The following TPO variants were observed in gnomAD, a reference collection of about 807,000 sequenced individuals.
TPO encodes the protein thyroid peroxidase.
TPO carries 78 observed loss-of-function variants against 96.9 expected under a neutral mutation model. The ratio of observed to expected loss-of-function variants is 0.81; its 90% confidence interval spans 0.67 to 0.97. TPO has a LOEUF of 0.97. Among genes scored for constraint, TPO ranks in the 50% least tolerant of loss-of-function variants. The probability of loss-of-function intolerance (pLI) is 0.00; values close to 1 mark genes in which losing one functional copy is unlikely to be tolerated. For missense variants in TPO, 1,252 were observed against 1,274.8 expected (o/e 0.98, Z 0.27); for synonymous variants, 547 against 538.0 (o/e 1.02, Z -0.23).
At chr2:1,531,057 C>T (rs1558424091) in intron 15 of TPO, among the ~76,000 whole-genome samples, 1 of 98,818 alleles carries the variant, frequency 1.0e-5, no homozygotes, top group Non-Finnish European at 2.0e-5. Flanking sequence ...CAAATACCCC[C>T]ACTATGTGCA....
intron 2 of TPO, among the ~76,000 whole-genome samples, chr2:1,422,331 GC>G (rs1663704963): frequency 7.4e-6 from 1 of 135,020 alleles, no homozygotes; most frequent in Non-Finnish European, 1.6e-5. Context: ...TCGTGCAGGC[GC>G]CTCTCCTGGA....
intron 14 of TPO, among the ~76,000 whole-genome samples, chr2:1,516,548 G>A (rs1204041846): frequency 2.6e-5 from 4 of 152,178 alleles, no homozygotes; most frequent in South Asian, 2.1e-4. Context: ...GGTCCACTCC[G>A]AGGGCACTGA....
At chr2:1,496,901 A>AG in intron 13 of TPO, 136 bp downstream of exon 13, 1 of 1,346,818 alleles carries the variant, frequency 7.4e-7, no homozygotes, top group Non-Finnish European at 1.0e-6. Context: ...ATCTGGGGAT[A>AG]GAAAGCAAGG....
At chr2:1,527,828 A>ATACTGTGTGCAACCTCCTAAATCCCCG (rs1676948826) in intron 15 of TPO, among the ~76,000 whole-genome samples, 1 of 41,914 alleles carries the variant, frequency 2.4e-5, no homozygotes, top group African/African-American at 9.8e-5. Flanking sequence ...TCAAATCCCC[A>ATACTGTGTGCAACCTCCTAAATCCCCG]TACTGTGTGC....
chr2:1,503,740 G>GC (rs1187069320), intron 13 of TPO: 1 of 871,784 alleles, frequency 1.1e-6, no homozygotes, highest in African/African-American at 1.7e-5. Context: ...CAGGCTCAGA[G>GC]CCCGTGGCCA....
At chr2:1,423,234 T>G in intron 3 of TPO, 105 bp downstream of exon 3, 1 of 1,012,718 alleles carries the variant, frequency 9.9e-7, no homozygotes, top group Non-Finnish European at 1.5e-6. Context: ...GATGAAAACC[T>G]GAAGCTTGCC....
At position 1,488,876 on chromosome 2, in the gene TPO, A is replaced by G. The variant is rs13424741; in HGVS notation, c.1768+885A>G. Among the ~76,000 whole-genome samples, 260 of 152,302 alleles carry G rather than the reference A, an allele frequency of 1.7e-3. 1 individual carries two copies. The highest frequency in any genetic ancestry group is 3.3e-3 in the Non-Finnish European group (222 of 68,034). The stretch of plus-strand genomic sequence containing the variant: ...GGATCAGCAGCCACACAGGCTGTGA[A>G]TATCTGGGGACTAAATGTGAGTTGG... On this transcript the variant is annotated intron_variant, in intron 10 of 16. Transcript: ENST00000329066.
intron 7 of TPO, among the ~76,000 whole-genome samples, chr2:1,474,203 T>C (rs1249450157): frequency 6.6e-6 from 1 of 152,252 alleles, no homozygotes; most frequent in Non-Finnish European, 1.5e-5. Flanking sequence ...TGGTAAGTAA[T>C]AGTAAATTGT....
At chr2:1,474,826 A>G (rs1256783382) in intron 7 of TPO, among the ~76,000 whole-genome samples, 2 of 152,094 alleles carry the variant, frequency 1.3e-5, no homozygotes, top group Non-Finnish European at 2.9e-5. Context: ...TGTTTTCCAC[A>G]CTGGGTTGTG....
intron 10 of TPO, among the ~76,000 whole-genome samples, chr2:1,489,209 T>TGCCCAGCACAC (rs1282025312): frequency 2.1e-4 from 29 of 140,082 alleles, no homozygotes; most frequent in African/African-American, 7.7e-4. Context: ...GCCCAGCACA[T>TGCCCAGCACAC]GCCCAGCACA....
At chr2:1,532,384 T>C (rs1237820974) in intron 15 of TPO, among the ~76,000 whole-genome samples, 1 of 42,494 alleles carries the variant, frequency 2.4e-5, no homozygotes, top group Non-Finnish European at 4.4e-5. Context: ...CGCAACCTCC[T>C]CAAATCCCCC....
intron 1 of TPO, among the ~76,000 whole-genome samples, chr2:1,383,258 G>A (rs1338683817): frequency 1.3e-5 from 2 of 152,226 alleles, no homozygotes; most frequent in African/African-American, 2.4e-5. Flanking sequence ...GGATGGCTGG[G>A]TCAAATGGTA....
At chr2:1,478,279 G>A in intron 8 of TPO, 2 of 985,402 alleles carry the variant, frequency 2.0e-6, no homozygotes, top group Non-Finnish European at 2.4e-6. Context: ...CTGACTCTAG[G>A]GGTCTCACAG....
At chr2:1,407,648 T>C (rs997884776) in intron 1 of TPO, among the ~76,000 whole-genome samples, 1 of 152,200 alleles carries the variant, frequency 6.6e-6, no homozygotes, top group African/African-American at 2.4e-5. Context: ...TCAGTATTCT[T>C]AACACACAAT....
chr2:1,473,314 C>T (rs375840851), intron 7 of TPO, among the ~76,000 whole-genome samples: 68 of 152,264 alleles, frequency 4.5e-4, no homozygotes, highest in African/African-American at 1.6e-3. Context: ...CTGGTTCTGC[C>T]CTCCTTCTCC....
chr2:1,522,623 T>G (rs1300695815), intron 15 of TPO, among the ~76,000 whole-genome samples: 1 of 151,988 alleles, frequency 6.6e-6, no homozygotes, highest in African/African-American at 2.4e-5. Flanking sequence ...CCTCAATCTC[T>G]CCATAGAATA....
chr2:1,524,442 C>A (rs1419047908), intron 15 of TPO, among the ~76,000 whole-genome samples: 2 of 121,278 alleles, frequency 1.6e-5, no homozygotes, highest in East Asian at 2.9e-4. Context: ...CCCCAAATCC[C>A]CCCACTGTGT....
At position 1,483,509 on chromosome 2, in the gene TPO, C is replaced by A. The variant is rs753077909; in HGVS notation, c.1339-1087C>A. Among the ~76,000 whole-genome samples, 7 of 152,196 alleles carry A rather than the reference C, an allele frequency of 4.6e-5. No individual in the cohort carries two copies. The East Asian group carries it at 1.2e-3, about 25-fold the overall frequency. ...TGTGGGAAGCACACGGACCTTCTCA[C>A]GCGGTTAGGAGGAGCCCCTTGGACA... On this transcript the variant is annotated intron_variant, in intron 8 of 16. Coordinates refer to ENST00000329066, the MANE Select transcript of TPO (RefSeq NM_001206744.2).
intron 5 of TPO, among the ~76,000 whole-genome samples, chr2:1,442,099 C>T (rs1416331294): frequency 6.6e-6 from 1 of 152,234 alleles, no homozygotes; most frequent in Non-Finnish European, 1.5e-5. Flanking sequence ...ACATGACCTG[C>T]TCCTCCTTGC....
Sources: gnomAD v4.1 joint callset for allele counts (sites outside exome capture counted in the v4.1 genomes callset) on GRCh38, gnomAD v4.1.1 for gene constraint, MANE v1.5 for transcripts, NCBI Gene and HGNC (gene_info 2026-07-23, HGNC 2026-07-21) for gene names.